Variants in CAST observed in about 807,000 individuals in gnomAD.
CAST encodes the protein MIR583 host.
Under a neutral mutation model 119.6 loss-of-function variants are expected in CAST, and 76 were observed. The ratio of observed to expected loss-of-function variants is 0.64; its 90% CI spans 0.53 to 0.77. CAST has a LOEUF of 0.77. CAST is among the 30% of genes least tolerant of loss of function. CAST has a pLI of 0.00. For synonymous variants in CAST, 319 were observed against 331.6 expected (o/e 0.96, Z 0.41); for missense variants, 953 against 946.5 (o/e 1.01, Z -0.09).
At chr5:96,094,641 T>G in the CAST span, among the ~76,000 whole-genome samples, 6 of 152,286 alleles carry the variant, frequency 3.9e-5, no homozygotes, top group East Asian at 1.2e-3. Flanking sequence ...GATAAAGATA[T>G]GGAGAAAAGT....
At chr5:96,349,137 C>CTTTTTTTTTTTTTT in the CAST span, among the ~76,000 whole-genome samples, 23 of 31,290 alleles carry the variant, frequency 7.4e-4, no homozygotes, top group Non-Finnish European at 1.1e-3. Context: ...AACAAGGACA[C>CTTTTTTTTTTTTTT]TATTTTTTTT....
At chr5:96,235,301 T>C in the CAST span, among the ~76,000 whole-genome samples, 44,248 of 152,100 alleles carry the variant, frequency 0.29, 7,338 homozygotes, top group Admixed American at 0.42. Flanking sequence ...CACTAACTCA[T>C]TGTGTGGCTT....
the CAST span, among the ~76,000 whole-genome samples, chr5:96,363,626 GCTCT>G: frequency 6.6e-6 from 1 of 151,988 alleles, no homozygotes; most frequent in African/African-American, 2.4e-5. Flanking sequence ...TCATGATTTG[GCTCT>G]CTGTTTGTCT....
chr5:96,280,528 A>T, the CAST span, among the ~76,000 whole-genome samples: 1 of 152,226 alleles, frequency 6.6e-6, no homozygotes, highest in South Asian at 2.1e-4. Flanking sequence ...TCAACTGCTA[A>T]TCAGAAAATC....
chr5:96,580,797 A>G (rs141977162), intron 1 of CAST, among the ~76,000 whole-genome samples: 2 of 152,352 alleles, frequency 1.3e-5, no homozygotes, highest in African/African-American at 4.8e-5. Context: ...AGAAATTGCT[A>G]TGGTATGAAT....
chr5:96,244,423 A>G, the CAST span, among the ~76,000 whole-genome samples: 1 of 152,218 alleles, frequency 6.6e-6, no homozygotes, highest in Non-Finnish European at 1.5e-5. Context: ...TAATAAAACC[A>G]TAGTAGAATT....
chr5:96,558,951 A>T (rs1045123311), intron 1 of CAST, among the ~76,000 whole-genome samples: 3 of 152,040 alleles, frequency 2.0e-5, no homozygotes, highest in African/African-American at 7.2e-5. Flanking sequence ...TGATGCAAAA[A>T]TCCTCAATAA....
At chr5:96,290,489 C>G in the CAST span, among the ~76,000 whole-genome samples, 2 of 152,276 alleles carry the variant, frequency 1.3e-5, no homozygotes, top group African/African-American at 4.8e-5. Flanking sequence ...TCAGACTCAT[C>G]CACATTGTTT....
Position 96,742,738 on chromosome 5 carries a change from A to C in CAST, c.1182A>C (p.Ser394=), listed in dbSNP as rs1057243124. The stretch of plus-strand genomic sequence containing the variant: ...CAGAACCTGAGCTCGACCTCCGCTC[A>C]ATTAAGGAAGTCGATGAGGTACTGA... The part of the protein sequence containing the change: ...RQAEPELDLR[S]IKEVDEAKAK... Residue 394 remains serine (S), a synonymous_variant, in exon 16 of 32, where the codon TCA becomes TCC. Coordinates refer to ENST00000675179, the MANE Select transcript of CAST (RefSeq NM_001750.7). The C allele has an allele frequency of 6.2e-7, 1 of 1,613,480 alleles. No individual in the cohort carries two copies. Among genetic ancestry groups the C allele is most frequent in the East Asian group, 2.2e-5 (1 of 44,878 alleles).
At chr5:96,022,123 A>G in the CAST span, among the ~76,000 whole-genome samples, 7 of 152,226 alleles carry the variant, frequency 4.6e-5, no homozygotes, top group African/African-American at 1.7e-4. Context: ...TACATAGGTT[A>G]TGTGCAAATA....
the CAST span, among the ~76,000 whole-genome samples, chr5:96,366,966 C>T: frequency 6.6e-6 from 1 of 152,090 alleles, no homozygotes; most frequent in Non-Finnish European, 1.5e-5. Flanking sequence ...GTTTTATCTA[C>T]CTTTGGTCTT....
At chr5:96,366,161 C>T in the CAST span, among the ~76,000 whole-genome samples, 521 of 152,194 alleles carry the variant, frequency 3.4e-3, 5 homozygotes, top group African/African-American at 0.012. Context: ...TGGCCCCCAC[C>T]CTCTTCTGTC....
At chr5:96,135,771 A>G in the CAST span, among the ~76,000 whole-genome samples, 1 of 152,058 alleles carries the variant, frequency 6.6e-6, no homozygotes, top group Non-Finnish European at 1.5e-5. Flanking sequence ...AAAAATGTGT[A>G]TATGAGGCCA....
the CAST span, chr5:96,433,248 T>G: frequency 3.3e-6 from 2 of 610,042 alleles, no homozygotes; most frequent in Non-Finnish European, 5.9e-6. Flanking sequence ...CCAGGCTGAG[T>G]GGAGCCCCAG....
At chr5:96,227,696 T>A in the CAST span, among the ~76,000 whole-genome samples, 13 of 152,224 alleles carry the variant, frequency 8.5e-5, no homozygotes, top group Non-Finnish European at 1.9e-4. Flanking sequence ...TGTTTTTTGT[T>A]ACTTTTTATT....
chr5:96,719,068 G>A (rs1172789639), intron 3 of CAST, among the ~76,000 whole-genome samples: 1 of 152,176 alleles, frequency 6.6e-6, no homozygotes, highest in Non-Finnish European at 1.5e-5. Context: ...AGACAAAGAA[G>A]TAAGGAGCTG....
At chr5:96,713,850 C>G (rs980341368) in intron 3 of CAST, among the ~76,000 whole-genome samples, 6 of 152,062 alleles carry the variant, frequency 3.9e-5, no homozygotes, top group African/African-American at 7.2e-5. Context: ...TGGTGCACAC[C>G]TGTAGTCCCA....
At chr5:96,028,800 C>A in the CAST span, among the ~76,000 whole-genome samples, 1 of 151,760 alleles carries the variant, frequency 6.6e-6, no homozygotes. Flanking sequence ...TGGTTTCATT[C>A]CTATTGTAAA....
chr5:96,228,508 AT>A, the CAST span, among the ~76,000 whole-genome samples: 2 of 147,178 alleles, frequency 1.4e-5, no homozygotes, highest in Non-Finnish European at 3.0e-5. Context: ...TATTGTCTTG[AT>A]TAAACCTGTT....
Sources: allele counts gnomAD v4.1 joint callset (sites outside exome capture counted in the v4.1 genomes callset), GRCh38; gene constraint gnomAD v4.1.1; transcripts MANE v1.5; gene names NCBI Gene and HGNC (gene_info 2026-07-23, HGNC 2026-07-21).